Variants in ADAMTS17 observed in about 807,000 individuals in gnomAD.
ADAMTS17 encodes A disintegrin and metalloproteinase with thrombospondin motifs 17.
A neutral mutation model predicts 141.5 loss-of-function variants in ADAMTS17; 113 were observed. The observed-to-expected ratio is 0.80, with a 90% CI of 0.69 to 0.93. The LOEUF (loss-of-function observed/expected upper bound fraction) is 0.93. ADAMTS17 is among the 40% of genes least tolerant of loss of function. The pLI is 0.00. For synonymous variants in ADAMTS17, 768 were observed against 630.6 expected, an observed-to-expected ratio of 1.22 and a Z score of -3.27; for missense variants, 1,659 against 1,517.9, an observed-to-expected ratio of 1.09 and a Z score of -1.54.
At position 100,174,424 on chromosome 15, in the gene ADAMTS17, G is replaced by A. The variant is rs74318620; in HGVS notation, c.1182-19104C>T. Among the ~76,000 whole-genome samples, 576 of 152,254 alleles carry A rather than the reference G, an allele frequency of 3.8e-3. 16 individuals carry two copies. The highest frequency in any genetic ancestry group is 0.013 in the African/African-American group (529 of 41,534). On this transcript the variant is annotated intron_variant, in intron 8 of 21. Coordinates refer to ENST00000268070, the MANE Select transcript of ADAMTS17 (RefSeq NM_139057.4). Reference sequence around the variant, plus strand: ...ACTAAACCCTAGTTTGTGCGACTCTGTACCAAGTATCCTGGGTATTGTACA... The same window carrying A: ...ACTAAACCCTAGTTTGTGCGACTCTATACCAAGTATCCTGGGTATTGTACA...
intron 7 of ADAMTS17, among the ~76,000 whole-genome samples, chr15:100,223,738 G>C (rs569420814): frequency 1.4e-5 from 2 of 143,622 alleles, no homozygotes; most frequent in Non-Finnish European, 3.0e-5. Context: ...ATATACACAT[G>C]TATGTGTATA....
At chr15:100,185,020 G>T (rs548850574) in intron 8 of ADAMTS17, among the ~76,000 whole-genome samples, 2 of 152,124 alleles carry the variant, frequency 1.3e-5, no homozygotes, top group African/African-American at 4.8e-5. Context: ...GGCCAAGAGC[G>T]CCTGCCTCCT....
intron 20 of ADAMTS17, among the ~76,000 whole-genome samples, chr15:99,983,311 C>T (rs1057441638): frequency 3.3e-5 from 5 of 152,198 alleles, no homozygotes; most frequent in Middle Eastern, 3.4e-3. Flanking sequence ...GCTGGGGATG[C>T]GGCGCCACCT....
chr15:100,240,918 C>A (rs371386120), intron 7 of ADAMTS17, among the ~76,000 whole-genome samples: 1 of 152,150 alleles, frequency 6.6e-6, no homozygotes, highest in Admixed American at 6.5e-5. Flanking sequence ...CTCCGCCTCC[C>A]GGGTTCAAGC....
chr15:100,038,213 C>G (rs112685573), intron 18 of ADAMTS17, among the ~76,000 whole-genome samples: 1 of 152,194 alleles, frequency 6.6e-6, no homozygotes, highest in African/African-American at 2.4e-5. Context: ...GTCAGTTATA[C>G]GCCATTGTTC....
intron 21 of ADAMTS17, among the ~76,000 whole-genome samples, chr15:99,974,914 C>T (rs2060289802): frequency 6.6e-6 from 1 of 152,212 alleles, no homozygotes. Flanking sequence ...CAACATGGAA[C>T]AGTGGACATC....
At chr15:100,158,046 G>A (rs192876993) in intron 8 of ADAMTS17, among the ~76,000 whole-genome samples, 332 of 152,212 alleles carry the variant, frequency 2.2e-3, no homozygotes, top group African/African-American at 7.7e-3. Flanking sequence ...GCGCCAGCAC[G>A]CCTGGCTAAT....
intron 8 of ADAMTS17, among the ~76,000 whole-genome samples, chr15:100,190,058 T>G (rs886700197): frequency 9.8e-5 from 15 of 152,364 alleles, no homozygotes; most frequent in Middle Eastern, 3.4e-3. Flanking sequence ...GAGGCTTACT[T>G]AGCAGAGGCC....
chr15:100,065,589 G>A (rs113010959), intron 15 of ADAMTS17, among the ~76,000 whole-genome samples: 22 of 152,050 alleles, frequency 1.4e-4, no homozygotes, highest in African/African-American at 4.8e-4. Flanking sequence ...AAATGCTATT[G>A]CGGCATACTC....
At chr15:100,067,215 A>G (rs1567117512) in intron 15 of ADAMTS17, among the ~76,000 whole-genome samples, 1 of 151,692 alleles carries the variant, frequency 6.6e-6, no homozygotes, top group Non-Finnish European at 1.5e-5. Context: ...CCCTTATGAT[A>G]TTGAGAAGGC....
At chr15:100,118,391 T>C (rs1211363473) in intron 12 of ADAMTS17, among the ~76,000 whole-genome samples, 1 of 152,216 alleles carries the variant, frequency 6.6e-6, no homozygotes, top group Non-Finnish European at 1.5e-5. Context: ...GTCTACCTCA[T>C]ATACACTAGA....
Position 100,142,507 on chromosome 15 carries a change from T to C in ADAMTS17, c.1474-9192A>G, listed in dbSNP as rs575613007. ...CGACAAGGAGGCACAGAATGGACACTACCTAACATTTATTGAGTGTGTGCT... is the reference window on the plus strand; with the variant it reads ...CGACAAGGAGGCACAGAATGGACACCACCTAACATTTATTGAGTGTGTGCT... On this transcript the variant is annotated intron_variant, in intron 10 of 21. Transcript: ENST00000268070. Among the ~76,000 whole-genome samples the C allele has an allele frequency of 2.6e-5, 4 of 152,362 alleles. No homozygotes were observed. The East Asian group carries it at 7.7e-4, about 29-fold the overall frequency.
intron 14 of ADAMTS17, among the ~76,000 whole-genome samples, chr15:100,105,350 G>T (rs2036350074): frequency 1.3e-5 from 2 of 152,204 alleles, no homozygotes; most frequent in Non-Finnish European, 2.9e-5. Context: ...GACTCTACTT[G>T]GTTAATGTGA....
intron 18 of ADAMTS17, among the ~76,000 whole-genome samples, chr15:100,002,641 A>G (rs1199535382): frequency 6.6e-6 from 1 of 152,092 alleles, no homozygotes; most frequent in African/African-American, 2.4e-5. Context: ...ATGTCATTCA[A>G]AAAGTTTTGT....
At chr15:100,255,977 G>T (rs2043313405) in intron 6 of ADAMTS17, among the ~76,000 whole-genome samples, 2 of 152,208 alleles carry the variant, frequency 1.3e-5, no homozygotes, top group African/African-American at 4.8e-5. Flanking sequence ...TCAGTTAGAG[G>T]CCTGTCTTGA....
At chr15:100,002,117 C>T (rs1370387272) in intron 18 of ADAMTS17, among the ~76,000 whole-genome samples, 1 of 151,824 alleles carries the variant, frequency 6.6e-6, no homozygotes, top group East Asian at 1.9e-4. Flanking sequence ...TTTAAGCAGC[C>T]AGATTAAACA....
intron 12 of ADAMTS17, chr15:100,128,300 A>T (rs2037850425): frequency 6.6e-6 from 1 of 152,164 alleles, no homozygotes; most frequent in South Asian, 2.1e-4. Flanking sequence ...AGGCCCTGGC[A>T]AGGTTTACTG....
At chr15:100,175,916 G>A (rs1431443295) in intron 8 of ADAMTS17, among the ~76,000 whole-genome samples, 1 of 152,106 alleles carries the variant, frequency 6.6e-6, no homozygotes. Context: ...ATTTTTGGCA[G>A]CCAAGTCTTT....
chr15:100,221,348 G>A (rs1055044159), intron 7 of ADAMTS17, among the ~76,000 whole-genome samples: 1 of 151,552 alleles, frequency 6.6e-6, no homozygotes, highest in Non-Finnish European at 1.5e-5. Flanking sequence ...CATAGCATAT[G>A]TGTGTGTGTT....
Sources: allele counts gnomAD v4.1 joint callset (sites outside exome capture counted in the v4.1 genomes callset), GRCh38; gene constraint gnomAD v4.1.1; transcripts MANE v1.5; gene names NCBI Gene and HGNC (gene_info 2026-07-23, HGNC 2026-07-21).